SCARB2: variants seen among roughly 807,000 people sequenced by gnomAD.
The protein encoded by SCARB2 is lysosome membrane protein 2.
A neutral mutation model predicts 58.6 loss-of-function variants in SCARB2; 29 were observed. That is an observed-to-expected ratio of 0.49 (90% CI 0.37 to 0.67). SCARB2 has a LOEUF of 0.67. Among genes scored for constraint, SCARB2 ranks in the 30% least tolerant of loss-of-function variants. The pLI, the probability that SCARB2 is intolerant of heterozygous loss-of-function variation, is 0.00. For synonymous variants in SCARB2, 195 were observed against 210.1 expected, an observed-to-expected ratio of 0.93 and a Z score of 0.62; for missense variants, 488 against 578.5, an observed-to-expected ratio of 0.84 and a Z score of 1.60.
At chr4:76,183,694 A>T (rs1732431121) in intron 2 of SCARB2, among the ~76,000 whole-genome samples, 1 of 152,132 alleles carries the variant, frequency 6.6e-6, no homozygotes, top group Non-Finnish European at 1.5e-5. Context: ...TTTGTGATCA[A>T]CCCAACTTTC....
intron 1 of SCARB2, among the ~76,000 whole-genome samples, chr4:76,227,618 T>G (rs1337616737): frequency 6.6e-6 from 1 of 152,238 alleles, no homozygotes; most frequent in Non-Finnish European, 1.5e-5. Context: ...ATGCAGTCAG[T>G]GGAGTATTGA....
At chr4:76,162,060 G>A (rs892674791) in intron 11 of SCARB2, 2 of 453,626 alleles carry the variant, frequency 4.4e-6, no homozygotes, top group African/African-American at 3.9e-5. Flanking sequence ...ACCTACTAAG[G>A]AGTAGTGTCT....
intron 1 of SCARB2, among the ~76,000 whole-genome samples, chr4:76,208,083 T>C (rs1732964288): frequency 6.6e-6 from 1 of 152,228 alleles, no homozygotes; most frequent in Non-Finnish European, 1.5e-5. Flanking sequence ...GATTTTATGA[T>C]AAGCACTTTA....
intron 7 of SCARB2, 108 bp from the exon 8 acceptor site, chr4:76,170,093 G>T: frequency 1.1e-6 from 1 of 926,466 alleles, no homozygotes; most frequent in Non-Finnish European, 1.8e-6. Flanking sequence ...AAACAAAAAA[G>T]CTACATATAA....
intron 1 of SCARB2, among the ~76,000 whole-genome samples, chr4:76,202,390 T>C (rs1388669106): frequency 2.6e-5 from 4 of 152,050 alleles, no homozygotes; most frequent in Non-Finnish European, 5.9e-5. Flanking sequence ...GCCTCTCGAG[T>C]AGCTGGGATT....
At chr4:76,172,601 T>TG (rs1437537335) in intron 7 of SCARB2, 1 of 152,016 alleles carries the variant, frequency 6.6e-6, no homozygotes, top group Non-Finnish European at 1.5e-5. Context: ...AAGCCAGGTG[T>TG]GGGGGTCACT....
In SCARB2 at chr4:76,231,717, G is replaced by C. The variant is rs561555027; in HGVS notation, c.-358+2586C>G. Among the ~76,000 whole-genome samples, 6 of 152,320 alleles carry C rather than the reference G, an allele frequency of 3.9e-5. No individual in the cohort carries two copies. The South Asian group carries it at 1.2e-3, about 32-fold the overall frequency. On this transcript the variant is annotated intron_variant, in intron 1 of 11. Coordinates refer to the SCARB2 transcript ENST00000638295. ...ATAAGACCTTTTAAAGCTGAGCCCAGGCATGGGTTTATCCTCAAATACCTG... is the reference window on the plus strand; with the variant it reads ...ATAAGACCTTTTAAAGCTGAGCCCACGCATGGGTTTATCCTCAAATACCTG...
At chr4:76,219,985 A>G (rs952639081) in intron 1 of SCARB2, among the ~76,000 whole-genome samples, 1 of 152,234 alleles carries the variant, frequency 6.6e-6, no homozygotes, top group Non-Finnish European at 1.5e-5. Context: ...AGTGTCAATG[A>G]AAAACGTTTC....
chr4:76,197,520 T>C (rs1732738980), intron 1 of SCARB2, among the ~76,000 whole-genome samples: 1 of 147,932 alleles, frequency 6.8e-6, no homozygotes, highest in Non-Finnish European at 1.5e-5. Context: ...CTGAGCTGGC[T>C]GCACACCCAC....
intron 2 of SCARB2, 28 bp downstream of exon 2, chr4:76,195,679 T>C: frequency 6.2e-7 from 1 of 1,609,312 alleles, no homozygotes; most frequent in Non-Finnish European, 8.5e-7. Context: ...CTGTATTTCT[T>C]TCAAGACAGG....
intron 2 of SCARB2, 80 bp from the exon 3 acceptor site, chr4:76,181,181 G>A: frequency 1.4e-6 from 2 of 1,404,738 alleles, no homozygotes; most frequent in Non-Finnish European, 2.0e-6. Context: ...CAGCATCCAA[G>A]TTATATTTTC....
chr4:76,208,621 C>T (rs573334444), intron 1 of SCARB2, among the ~76,000 whole-genome samples: 2 of 152,206 alleles, frequency 1.3e-5, no homozygotes, highest in Non-Finnish European at 2.9e-5. Context: ...AAGTGGGAGG[C>T]AGAGTGTGCC....
intron 10 of SCARB2, chr4:76,164,637 GAAAA>G: frequency 7.4e-6 from 1 of 134,404 alleles, no homozygotes; most frequent in Non-Finnish European, 1.6e-5. Flanking sequence ...TCCATCTCAG[GAAAA>G]AAAAAAAAAA....
intron 11 of SCARB2, chr4:76,162,792 G>A (rs1264565529): frequency 3.5e-6 from 1 of 282,006 alleles, no homozygotes; most frequent in Non-Finnish European, 6.8e-6. Context: ...CATAAGGGAG[G>A]CTTTTATTAT....
chr4:76,179,385 A>G, intron 4 of SCARB2, 132 bp downstream of exon 4: 1 of 723,660 alleles, frequency 1.4e-6, no homozygotes, highest in East Asian at 2.7e-5. Context: ...AAAACACTCC[A>G]TTTTTCACAC....
chr4:76,218,073 A>C (rs1399529393), upstream of SCARB2, among the ~76,000 whole-genome samples: 1 of 152,244 alleles, frequency 6.6e-6, no homozygotes, highest in Non-Finnish European at 1.5e-5. Context: ...CATGCCTGTA[A>C]TCCCAGCATT....
rs538049527 is a variant in SCARB2 at position 76,209,627 on chromosome 4, A to G, written c.117+3800T>C. The stretch of plus-strand genomic sequence containing the variant: ...TGTGATCCACCCGATTCAGCCTCCC[A>G]AAGTGTTAGGATAACAGGCGTGAGC... On this transcript the variant is annotated intron_variant, in intron 1 of 11. Coordinates refer to ENST00000264896, the MANE Select transcript of SCARB2 (RefSeq NM_005506.4). Among the ~76,000 whole-genome samples, 5 of 152,294 alleles carry G rather than the reference A, an allele frequency of 3.3e-5. No individual in the cohort carries two copies. The South Asian group carries it at 1.0e-3, about 32-fold the overall frequency.
chr4:76,172,018 T>A (rs1032905404), intron 7 of SCARB2, among the ~76,000 whole-genome samples: 9 of 148,302 alleles, frequency 6.1e-5, no homozygotes, highest in African/African-American at 2.2e-4. Context: ...ATATATATAC[T>A]ATATACATAT....
Position 76,161,698 on chromosome 4 carries a change from A to G in SCARB2, c.*15T>C. Reference sequence around the variant, plus strand: ...GGACAGCTCACACAGTTTCTTCACCAAGCAAAGGCAATGTTTAGGTTCGAA... The same window carrying G: ...GGACAGCTCACACAGTTTCTTCACCGAGCAAAGGCAATGTTTAGGTTCGAA... On this transcript the variant is annotated 3_prime_UTR_variant, in exon 12 of 12. Coordinates refer to ENST00000264896, the MANE Select transcript of SCARB2 (RefSeq NM_005506.4). The G allele has an allele frequency of 6.2e-7, 1 of 1,614,068 alleles. No homozygotes were observed. Among genetic ancestry groups the G allele is most frequent in the Non-Finnish European group, 8.5e-7 (1 of 1,179,934 alleles).
Sources: gnomAD v4.1 joint callset for allele counts (sites outside exome capture counted in the v4.1 genomes callset) on GRCh38, gnomAD v4.1.1 for gene constraint, MANE v1.5 for transcripts, NCBI Gene and HGNC (gene_info 2026-07-23, HGNC 2026-07-21) for gene names.